The following KLHL4 variants were observed in gnomAD, a reference collection of about 807,000 sequenced individuals.
KLHL4 encodes kelch like family member 4.
In KLHL4, 17 loss-of-function variants were observed where a neutral mutation model predicts 45.8. The observed-to-expected ratio is 0.37, with a 90% CI of 0.25 to 0.56. The LOEUF is 0.56. Among genes scored for constraint, KLHL4 ranks in the 20% least tolerant of loss-of-function variants. The pLI is 0.79. For missense variants in KLHL4, 544 were observed against 544.9 expected, an observed-to-expected ratio of 1.00 and a Z score of 0.02; for synonymous variants, 224 against 189.9, an observed-to-expected ratio of 1.18 and a Z score of -1.47.
chrX:87,608,747 A>G (rs1922276757), intron 1 of KLHL4, among the ~76,000 whole-genome samples: 1 of 110,215 alleles, frequency 9.1e-6, no homozygotes, highest in Non-Finnish European at 1.9e-5. Context: ...ATTTTATTTT[A>G]TTTTTTAGTG....
At chrX:87,550,507 G>A (rs1931788347) in intron 1 of KLHL4, among the ~76,000 whole-genome samples, 1 of 111,288 alleles carries the variant, frequency 9.0e-6, no homozygotes, top group Admixed American at 9.6e-5. Flanking sequence ...TTCATTTGAT[G>A]AAGCCAGCAT....
intron 1 of KLHL4, among the ~76,000 whole-genome samples, chrX:87,599,773 C>G (rs1453455524): frequency 1.8e-5 from 2 of 111,593 alleles, no homozygotes; most frequent in Non-Finnish European, 3.8e-5. Flanking sequence ...TTTTAGTTCA[C>G]CACTACTACC....
intron 6 of KLHL4, among the ~76,000 whole-genome samples, chrX:87,626,964 T>G (rs1020897226): frequency 8.9e-6 from 1 of 111,812 alleles, no homozygotes; most frequent in Admixed American, 9.5e-5. Context: ...CTCTTCCATT[T>G]GTAGAAGGAA....
chrX:87,605,861 G>A (rs1490345372), intron 1 of KLHL4, among the ~76,000 whole-genome samples: 3 of 111,051 alleles, frequency 2.7e-5, no homozygotes, highest in Non-Finnish European at 5.7e-5. Context: ...TTAGCTTTGG[G>A]TTTGTAATAT....
chrX:87,524,109 G>A (rs9792821), intron 1 of KLHL4, among the ~76,000 whole-genome samples: 29,105 of 110,794 alleles, frequency 0.26, 3,139 homozygotes, highest in East Asian at 0.55. Flanking sequence ...GCTGCACATA[G>A]TGACTTCTTT....
chrX:87,641,590 G>T (rs1923460531), intron 9 of KLHL4, among the ~76,000 whole-genome samples: 1 of 111,701 alleles, frequency 9.0e-6, no homozygotes, highest in Admixed American at 9.5e-5. Context: ...CTCCACAGGT[G>T]GGGGAAGAAC....
intron 9 of KLHL4, among the ~76,000 whole-genome samples, chrX:87,646,244 G>A (rs188894200): frequency 2.7e-5 from 3 of 111,316 alleles, no homozygotes; most frequent in Non-Finnish European, 5.7e-5. Context: ...AGAAAACATA[G>A]ATGACACAAA....
intron 1 of KLHL4, among the ~76,000 whole-genome samples, chrX:87,547,577 C>T (rs1931710641): frequency 9.0e-6 from 1 of 111,405 alleles, no homozygotes; most frequent in South Asian, 3.7e-4. Flanking sequence ...AATCCCAGCA[C>T]TTTAGGAGGC....
chrX:87,602,139 C>T (rs964394595), intron 1 of KLHL4, among the ~76,000 whole-genome samples: 1 of 110,333 alleles, frequency 9.1e-6, no homozygotes, highest in South Asian at 3.8e-4. Context: ...TGTTTTGAGT[C>T]AAAAAATTAA....
intron 4 of KLHL4, among the ~76,000 whole-genome samples, 195 bp from the exon 5 acceptor site, chrX:87,622,016 G>A (rs759797997): frequency 1.8e-3 from 203 of 111,821 alleles, no homozygotes; most frequent in African/African-American, 6.5e-3. Flanking sequence ...CCCAGTGGAA[G>A]CATTTGGCCT....
At chrX:87,648,472 A>G (rs1478684011) in intron 9 of KLHL4, among the ~76,000 whole-genome samples, 4 of 111,316 alleles carry the variant, frequency 3.6e-5, no homozygotes, top group Non-Finnish European at 5.7e-5. Context: ...AGAATTAAGG[A>G]CCACAGTGTC....
chrX:87,643,484 G>A (rs1420897296), intron 9 of KLHL4, among the ~76,000 whole-genome samples: 1 of 111,404 alleles, frequency 9.0e-6, no homozygotes, highest in East Asian at 2.8e-4. Context: ...GACATTCAAA[G>A]GAAAATTGAT....
Position 87,650,880 on chromosome X carries a change from G to C in KLHL4, c.1926-13884G>C, listed in dbSNP as rs565918747. On this transcript the variant is annotated intron_variant, in intron 9 of 10. Transcript: ENST00000373119. ...CACTTCTTACACGGTAGCAGCAAGA[G>C]AGAAACAGAGAGCCAAGCAAAATAG... Among the ~76,000 whole-genome samples the C allele has an allele frequency of 1.5e-4, 17 of 111,742 alleles. No individual in the cohort carries two copies. In the South Asian group the frequency reaches 6.4e-3, roughly 42 times the overall value.
intron 1 of KLHL4, among the ~76,000 whole-genome samples, chrX:87,548,011 G>T (rs1219676451): frequency 9.0e-6 from 1 of 111,227 alleles, no homozygotes; most frequent in Non-Finnish European, 1.9e-5. Context: ...GTATAAGAAG[G>T]TTACAGAACA....
At chrX:87,636,767 C>T (rs749166106) in intron 9 of KLHL4, among the ~76,000 whole-genome samples, 14 of 109,758 alleles carry the variant, frequency 1.3e-4, no homozygotes, top group Non-Finnish European at 2.7e-4. Flanking sequence ...CCCCTGGGAA[C>T]ATAACTCCAT....
chrX:87,669,042 A>T lies in KLHL4; in HGVS notation c.*2508A>T, dbSNP rs1324546887. On this transcript the variant is annotated 3_prime_UTR_variant, in exon 11 of 11. Coordinates refer to ENST00000373119, the MANE Select transcript of KLHL4 (RefSeq NM_019117.5). Reference sequence around the variant, plus strand: ...ACTGTGCTTGTCTCAGTCAAACTTAATTGGGAAAAGGAGGAGTAAGAGCAG... The same window carrying T: ...ACTGTGCTTGTCTCAGTCAAACTTATTTGGGAAAAGGAGGAGTAAGAGCAG... The T allele has an allele frequency of 1.2e-5, 10 of 852,554 alleles. No homozygotes were observed. Among genetic ancestry groups the T allele is most frequent in the Admixed American group, 6.4e-5 (1 of 15,584 alleles). 70.3% of individuals were successfully genotyped at this position (852,554 alleles called of 1,213,427 possible).
In KLHL4 at chrX:87,667,100, T is replaced by C; in HGVS notation, c.*566T>C. ...TACTGTGTTGAAGCTAAAAAAATAA[T>C]GGCTCTTTGACAAAACTTGTTATGT... On this transcript the variant is annotated 3_prime_UTR_variant, in exon 11 of 11. Transcript: ENST00000373119. 8.0e-6 allele frequency: 6 copies of C among 750,004 alleles called. No homozygotes were observed. The highest frequency in any genetic ancestry group is 9.4e-6 in the Non-Finnish European group (6 of 635,838). 61.8% of individuals were successfully genotyped at this position (750,004 alleles called of 1,213,427 possible). A position where few individuals can be genotyped will look rare whatever the true frequency, so the allele number is the denominator to read the frequency against.
At chrX:87,578,472 T>A (rs754196621) in intron 1 of KLHL4, among the ~76,000 whole-genome samples, 6 of 111,642 alleles carry the variant, frequency 5.4e-5, no homozygotes, top group Non-Finnish European at 1.1e-4. Context: ...ACAGCCCTCA[T>A]TCCCCACAGA....
At chrX:87,548,434 A>C (rs1931730516) in intron 1 of KLHL4, among the ~76,000 whole-genome samples, 1 of 111,753 alleles carries the variant, frequency 8.9e-6, no homozygotes, top group South Asian at 3.7e-4. Flanking sequence ...TAAAGGTACA[A>C]ACCTTACTGG....
Sources: gnomAD v4.1 joint callset for allele counts (sites outside exome capture counted in the v4.1 genomes callset) on GRCh38, gnomAD v4.1.1 for gene constraint, MANE v1.5 for transcripts, NCBI Gene and HGNC (gene_info 2026-07-23, HGNC 2026-07-21) for gene names.